Variants in DDX10 observed in about 807,000 individuals in gnomAD.
The protein encoded by DDX10 is probable ATP-dependent RNA helicase DDX10.
DDX10 carries 74 observed loss-of-function variants against 104.3 expected under a neutral mutation model. The ratio of observed to expected loss-of-function variants is 0.71; its 90% confidence interval spans 0.59 to 0.86. The LOEUF is 0.86. Among genes scored for constraint, DDX10 ranks in the 40% least tolerant of loss-of-function variants. The probability of loss-of-function intolerance (pLI) is 0.00; values close to 1 mark genes in which losing one functional copy is unlikely to be tolerated. For missense variants in DDX10, 952 were observed against 1,040.0 expected, an observed-to-expected ratio of 0.92 and a Z score of 1.16; for synonymous variants, 351 against 353.4, an observed-to-expected ratio of 0.99 and a Z score of 0.08.
At chr11:108,875,863 C>T (rs962597541) in intron 16 of DDX10, among the ~76,000 whole-genome samples, 6 of 152,182 alleles carry the variant, frequency 3.9e-5, no homozygotes, top group South Asian at 4.2e-4. Context: ...AATGAAACTC[C>T]GGGAAGTATC....
intron 13 of DDX10, among the ~76,000 whole-genome samples, chr11:108,810,448 A>G (rs1862163787): frequency 1.3e-5 from 2 of 152,118 alleles, no homozygotes; most frequent in South Asian, 4.2e-4. Flanking sequence ...ACCCAATTGT[A>G]TTTATAGATT....
At chr11:108,914,982 G>C (rs1401590005) in intron 16 of DDX10, among the ~76,000 whole-genome samples, 1 of 151,474 alleles carries the variant, frequency 6.6e-6, no homozygotes, top group African/African-American at 2.4e-5. Flanking sequence ...TCCTGTATGA[G>C]GAATAGAAAA....
At chr11:108,879,039 C>T (rs917545671) in intron 16 of DDX10, among the ~76,000 whole-genome samples, 1 of 152,054 alleles carries the variant, frequency 6.6e-6, no homozygotes, top group Non-Finnish European at 1.5e-5. Flanking sequence ...GAGTCTTGCT[C>T]TGTCGCCAGG....
chr11:108,744,947 G>A (rs993191324), intron 13 of DDX10, among the ~76,000 whole-genome samples: 1 of 152,142 alleles, frequency 6.6e-6, no homozygotes, highest in African/African-American at 2.4e-5. Context: ...AGAGCACAGA[G>A]TGTGTTGTGG....
intron 13 of DDX10, among the ~76,000 whole-genome samples, chr11:108,829,906 G>C (rs1196223300): frequency 1.3e-5 from 2 of 152,114 alleles, no homozygotes; most frequent in Non-Finnish European, 2.9e-5. Flanking sequence ...TCTCTATTCT[G>C]TTTAATTGGT....
chr11:108,794,334 A>G (rs1323383672), intron 13 of DDX10, among the ~76,000 whole-genome samples: 2 of 152,110 alleles, frequency 1.3e-5, no homozygotes, highest in African/African-American at 4.8e-5. Context: ...TCTTTGAATA[A>G]GGATACTTTT....
chr11:108,738,522 C>G (rs745864799), intron 13 of DDX10, among the ~76,000 whole-genome samples: 30 of 152,062 alleles, frequency 2.0e-4, no homozygotes, highest in Non-Finnish European at 3.7e-4. Flanking sequence ...CTATCAATAT[C>G]CTGGAGCCCA....
In DDX10 at chr11:108,678,870, A is replaced by ATT. The variant is rs769948315; in HGVS notation, c.658+460_658+461dup. 6.9e-3 allele frequency among the ~76,000 whole-genome samples: 636 copies of ATT among 92,716 alleles called. 58 individuals are homozygous for ATT. Among genetic ancestry groups the ATT allele is most frequent in the South Asian group, 0.015 (38 of 2,486 alleles). 60.8% of individuals were successfully genotyped at this position (92,716 alleles called of 152,430 possible). ...ATTATCCTTCAGCTGGTTTCCCCTA[A>ATT]TTTTTTTTTTTTTTTTTTTTTTTTT... On this transcript the variant is annotated intron_variant, in intron 5 of 17. Coordinates refer to ENST00000322536, the MANE Select transcript of DDX10 (RefSeq NM_004398.4).
At chr11:108,833,912 C>T (rs1276241818) in intron 13 of DDX10, among the ~76,000 whole-genome samples, 1 of 152,112 alleles carries the variant, frequency 6.6e-6, no homozygotes, top group African/African-American at 2.4e-5. Flanking sequence ...CCCAACATTC[C>T]ACCATTCATA....
At chr11:108,825,988 G>T (rs1212825370) in intron 13 of DDX10, among the ~76,000 whole-genome samples, 1 of 152,108 alleles carries the variant, frequency 6.6e-6, no homozygotes, top group Non-Finnish European at 1.5e-5. Flanking sequence ...AATTCATGAA[G>T]TGTCAAGATA....
intron 13 of DDX10, among the ~76,000 whole-genome samples, chr11:108,800,202 G>C (rs373246553): frequency 1.3e-5 from 2 of 151,146 alleles, no homozygotes; most frequent in South Asian, 2.1e-4. Context: ...CCAGCACTTT[G>C]GGAGGCCGAG....
chr11:108,839,618 C>T (rs987499236), intron 14 of DDX10, among the ~76,000 whole-genome samples: 3 of 152,296 alleles, frequency 2.0e-5, no homozygotes, highest in South Asian at 4.1e-4. Flanking sequence ...TAAGCAGCCT[C>T]TCCAGTGGAG....
intron 13 of DDX10, among the ~76,000 whole-genome samples, chr11:108,738,184 G>A (rs949860772): frequency 6.7e-6 from 1 of 150,044 alleles, no homozygotes; most frequent in Non-Finnish European, 1.5e-5. Flanking sequence ...TTTGCAAATT[G>A]AAGAGTAGGT....
chr11:108,677,979 T>C (rs2094228317), intron 4 of DDX10, among the ~76,000 whole-genome samples: 1 of 151,996 alleles, frequency 6.6e-6, no homozygotes, highest in Non-Finnish European at 1.5e-5. Context: ...GGGTCCTGAA[T>C]TAAAGAATGA....
intron 16 of DDX10, among the ~76,000 whole-genome samples, chr11:108,868,765 C>G (rs1863040486): frequency 1.3e-5 from 2 of 152,054 alleles, no homozygotes; most frequent in Admixed American, 1.3e-4. Flanking sequence ...ATAACTATGT[C>G]TTTGTGGCAG....
At chr11:108,905,121 T>G (rs1863572804) in intron 16 of DDX10, among the ~76,000 whole-genome samples, 1 of 152,192 alleles carries the variant, frequency 6.6e-6, no homozygotes, top group East Asian at 1.9e-4. Context: ...TATGTATATT[T>G]ACTTTATATT....
intron 12 of DDX10, among the ~76,000 whole-genome samples, chr11:108,720,911 T>A (rs1405446623): frequency 6.6e-6 from 1 of 150,992 alleles, no homozygotes; most frequent in Non-Finnish European, 1.5e-5. Context: ...TTTTTTTTTT[T>A]AAACCTTTTG....
At position 108,706,730 on chromosome 11, in the gene DDX10, T is replaced by A; in HGVS notation, c.1224-9T>A. The A allele has an allele frequency of 5.6e-6, 9 of 1,611,034 alleles. No homozygotes were observed. The highest frequency in any genetic ancestry group is 7.6e-6 in the Non-Finnish European group (9 of 1,177,206). On this transcript the variant is annotated splice_polypyrimidine_tract_variant and intron_variant, in intron 9 of 17. Transcript: ENST00000322536. The stretch of plus-strand genomic sequence containing the variant: ...TGATGTGTTAAAGATTTTGTTTCTT[T>A]TTGTTTAGGTACAAAGAGGATGGTG...
At chr11:108,751,888 G>A (rs1389104378) in intron 13 of DDX10, among the ~76,000 whole-genome samples, 4 of 151,546 alleles carry the variant, frequency 2.6e-5, no homozygotes, top group Non-Finnish European at 4.4e-5. Flanking sequence ...TGTTACTGGG[G>A]CCACTGGAAG....
Sources: gnomAD v4.1 joint callset for allele counts (sites outside exome capture counted in the v4.1 genomes callset) on GRCh38, gnomAD v4.1.1 for gene constraint, MANE v1.5 for transcripts, NCBI Gene and HGNC (gene_info 2026-07-23, HGNC 2026-07-21) for gene names.